The following YJU2B variants were observed in gnomAD, a reference collection of about 807,000 sequenced individuals.
The protein encoded by YJU2B is YJU2 splicing factor homolog B, also known as probable splicing factor YJU2B.
YJU2B carries 18 observed loss-of-function variants against 38.0 expected under a neutral mutation model. The observed-to-expected ratio is 0.47, with a 90% CI of 0.33 to 0.70. The LOEUF is 0.70. Among genes scored for constraint, YJU2B ranks in the 30% least tolerant of loss-of-function variants. YJU2B has a pLI of 0.02. For synonymous variants in YJU2B, 246 were observed against 225.4 expected, an observed-to-expected ratio of 1.09 and a Z score of -0.82; for missense variants, 538 against 556.3, an observed-to-expected ratio of 0.97 and a Z score of 0.33.
intron 3 of YJU2B, 47 bp downstream of exon 3, chr19:13,754,389 G>A (rs756718507): frequency 9.3e-6 from 14 of 1,498,750 alleles, no homozygotes; most frequent in Admixed American, 8.4e-5. Flanking sequence ...AAAGACCCAC[G>A]TCATCCCCTC....
chr19:13,761,967 A>G (rs938078566), intron 8 of YJU2B, among the ~76,000 whole-genome samples: 1 of 151,834 alleles, frequency 6.6e-6, no homozygotes, highest in Non-Finnish European at 1.5e-5. Flanking sequence ...CAAGGGATCC[A>G]CCCGCCTCAG....
intron 8 of YJU2B, 31 bp from the exon 9 acceptor site, chr19:13,762,268 C>T (rs1489922366): frequency 6.2e-7 from 1 of 1,610,194 alleles, no homozygotes; most frequent in Non-Finnish European, 8.5e-7. Context: ...TTGACACCCC[C>T]TATCTCTGGT....
At chr19:13,740,647 C>T (rs12980677) in intron 2 of YJU2B, among the ~76,000 whole-genome samples, 34 of 152,168 alleles carry the variant, frequency 2.2e-4, no homozygotes, top group Admixed American at 3.9e-4. Context: ...AGCAATTCTC[C>T]TGCCTCAGCC....
chr19:13,749,885 G>A (rs539775917), intron 1 of YJU2B, among the ~76,000 whole-genome samples: 5 of 151,726 alleles, frequency 3.3e-5, no homozygotes, highest in African/African-American at 1.2e-4. Flanking sequence ...CACCCGCCTC[G>A]GCCTCCCAAA....
At chr19:13,741,073 A>G (rs542235937) in intron 2 of YJU2B, among the ~76,000 whole-genome samples, 19 of 152,100 alleles carry the variant, frequency 1.2e-4, no homozygotes, top group Non-Finnish European at 7.4e-5. Context: ...TGTCAAAACC[A>G]GGTAGGCTTT....
intron 2 of YJU2B, among the ~76,000 whole-genome samples, chr19:13,738,442 G>A (rs1020896944): frequency 6.6e-6 from 1 of 152,162 alleles, no homozygotes; most frequent in African/African-American, 2.4e-5. Context: ...GAAGTTTCTT[G>A]TGTTGAGTTC....
chr19:13,754,778 A>C (rs1973600585), intron 3 of YJU2B, among the ~76,000 whole-genome samples: 1 of 151,960 alleles, frequency 6.6e-6, no homozygotes, highest in Admixed American at 6.6e-5. Flanking sequence ...CACTTTATAT[A>C]ATCTCATAGC....
At chr19:13,758,348 T>C (rs1973747987) in intron 6 of YJU2B, among the ~76,000 whole-genome samples, 1 of 152,216 alleles carries the variant, frequency 6.6e-6, no homozygotes, top group South Asian at 2.1e-4. Flanking sequence ...AAGTTGGCTT[T>C]TCCACTACTC....
intron 1 of YJU2B, among the ~76,000 whole-genome samples, chr19:13,750,358 C>G (rs1973410286): frequency 6.6e-6 from 1 of 152,134 alleles, no homozygotes; most frequent in Non-Finnish European, 1.5e-5. Flanking sequence ...TCCCGAGTAG[C>G]TGGGATTACA....
At chr19:13,732,836 TG>T (rs1972853646) in intron 2 of YJU2B, among the ~76,000 whole-genome samples, 1 of 152,014 alleles carries the variant, frequency 6.6e-6, no homozygotes, top group African/African-American at 2.4e-5. Context: ...CTCAAACTCC[TG>T]ACCTCAAGTG....
chr19:13,732,270 A>T (rs147584625), exon 2 of YJU2B: 1 of 152,196 alleles, frequency 6.6e-6, no homozygotes, highest in Admixed American at 6.5e-5. Context: ...AGTAACCCTC[A>T]CTGGAGAATC....
At chr19:13,736,327 C>G (rs989022818) in intron 2 of YJU2B, among the ~76,000 whole-genome samples, 5 of 142,558 alleles carry the variant, frequency 3.5e-5, no homozygotes, top group Non-Finnish European at 7.5e-5. Flanking sequence ...GGCACAATCT[C>G]GGCTCACTGC....
At chr19:13,757,962 C>A in intron 6 of YJU2B, 116 bp downstream of exon 6, 1 of 895,444 alleles carries the variant, frequency 1.1e-6, no homozygotes, top group East Asian at 2.5e-5. Flanking sequence ...TGGAAATCGC[C>A]CTGGTTGGTG....
chr19:13,749,338 GA>G (rs1388643440), intron 1 of YJU2B, among the ~76,000 whole-genome samples: 3 of 152,156 alleles, frequency 2.0e-5, no homozygotes, highest in African/African-American at 4.8e-5. Context: ...AGTAGTTGGG[GA>G]AAAATCAAAA....
At chr19:13,754,581 G>A (rs1158462259) in intron 3 of YJU2B, among the ~76,000 whole-genome samples, 1 of 152,094 alleles carries the variant, frequency 6.6e-6, no homozygotes. Flanking sequence ...AGGGGCCCAG[G>A]ATAAGGCAGA....
chr19:13,736,498 G>T (rs1316480345), intron 2 of YJU2B, among the ~76,000 whole-genome samples: 1 of 151,448 alleles, frequency 6.6e-6, no homozygotes, highest in Non-Finnish European at 1.5e-5. Context: ...GACCTCAAAT[G>T]ATCCACCTGC....
At chr19:13,757,905 T>C in intron 6 of YJU2B, 59 bp downstream of exon 6, 3 of 1,466,642 alleles carry the variant, frequency 2.0e-6, no homozygotes, top group South Asian at 1.1e-5. Flanking sequence ...GCGAGGGGGC[T>C]ACAAAGAGCC....
At chr19:13,744,998 A>G (rs908119871), upstream of YJU2B, among the ~76,000 whole-genome samples, 2 of 152,140 alleles carry the variant, frequency 1.3e-5, no homozygotes, top group Admixed American at 6.6e-5. Flanking sequence ...GTCTCAAAAA[A>G]AAAAAAAAAG....
chr19:13,733,031 G>A (rs971273617), intron 2 of YJU2B, among the ~76,000 whole-genome samples: 5 of 151,128 alleles, frequency 3.3e-5, no homozygotes, highest in African/African-American at 4.9e-5. Context: ...CCAGGTTCAC[G>A]CCATTCTCCT....
Sources: allele counts gnomAD v4.1 joint callset (sites outside exome capture counted in the v4.1 genomes callset), GRCh38; gene constraint gnomAD v4.1.1; transcripts MANE v1.5; gene names NCBI Gene and HGNC (gene_info 2026-07-23, HGNC 2026-07-21).